Variants in NPC1 observed in about 807,000 individuals in gnomAD.
NPC1 encodes NPC intracellular cholesterol transporter 1.
A neutral mutation model predicts 140.4 loss-of-function variants in NPC1; 85 were observed. The ratio of observed to expected loss-of-function variants is 0.61; its 90% confidence interval spans 0.51 to 0.72. The LOEUF (loss-of-function observed/expected upper bound fraction) is 0.72. Ranked by LOEUF, NPC1 falls within the 30% of genes least tolerant of loss-of-function variation. The pLI is 0.00. For synonymous variants in NPC1, 656 were observed against 624.8 expected (o/e 1.05, Z -0.74); for missense variants, 1,504 against 1,623.8 (o/e 0.93, Z 1.27).
At chr18:23,585,911 T>C (rs1388320148) in intron 1 of NPC1, among the ~76,000 whole-genome samples, 2 of 152,178 alleles carry the variant, frequency 1.3e-5, no homozygotes, top group Non-Finnish European at 2.9e-5. Flanking sequence ...GGAAATAAAG[T>C]GGTTAGAGCT....
rs546408808 is a variant in NPC1 at position 23,580,633 on chromosome 18, A to G, written c.57+5654T>C. ...TCCTGGATGGGTAAAGCTAATGGCA[A>G]AACATGGAGAGATACCCAGCTCAAG... On this transcript the variant is annotated intron_variant, in intron 1 of 24. Transcript: ENST00000269228. Among the ~76,000 whole-genome samples the G allele has an allele frequency of 2.7e-4, 41 of 152,308 alleles. No individual in the cohort carries two copies. In the South Asian group the frequency reaches 8.3e-3, roughly 31 times the overall value.
chr18:23,581,144 C>G (rs1434172103), intron 1 of NPC1, among the ~76,000 whole-genome samples: 2 of 152,188 alleles, frequency 1.3e-5, no homozygotes, highest in Non-Finnish European at 2.9e-5. Flanking sequence ...AGCCACAAAA[C>G]TAAAACAAAA....
intron 3 of NPC1, among the ~76,000 whole-genome samples, chr18:23,514,891 G>A (rs2057959312): frequency 6.6e-6 from 1 of 152,200 alleles, no homozygotes; most frequent in African/African-American, 2.4e-5. Flanking sequence ...AGTGTACCAT[G>A]AGCATTAATG....
At chr18:23,528,924 G>T, downstream of NPC1, 1 of 365,980 alleles carries the variant, frequency 2.7e-6, no homozygotes. Flanking sequence ...TTATTGCCCA[G>T]GCTGGAGTGC....
chr18:23,529,487 TGG>T, downstream of NPC1: 1 of 1,246,828 alleles, frequency 8.0e-7, no homozygotes, highest in Non-Finnish European at 1.1e-6. Context: ...TGTTGACGGG[TGG>T]TTCTGGAGCG....
downstream of NPC1, chr18:23,528,007 C>A (rs1035812682): frequency 2.1e-6 from 2 of 965,602 alleles, no homozygotes; most frequent in East Asian, 2.8e-5. Flanking sequence ...AGAATAAGGT[C>A]GCTGAGATTT....
intron 3 of NPC1, chr18:23,515,847 C>G: frequency 6.2e-7 from 1 of 1,614,012 alleles, no homozygotes; most frequent in Non-Finnish European, 8.5e-7. Context: ...TTCTTAAACT[C>G]TGCTTCAGGT....
downstream of NPC1, chr18:23,524,335 T>C (rs8084285): frequency 2.1e-3 from 3,248 of 1,510,706 alleles, 60 homozygotes; most frequent in African/African-American, 0.04. Flanking sequence ...TAGCGTGGAC[T>C]CAGTACATGG....
chr18:23,532,088 A>G lies in NPC1; in HGVS notation c.*114T>C. On this transcript the variant is annotated 3_prime_UTR_variant, in exon 25 of 25. Coordinates refer to ENST00000269228, the MANE Select transcript of NPC1 (RefSeq NM_000271.5). ...GCTACGTTCAAAGCTGCTGCCAAAC[A>G]ACCGATGGTTGGCACCATCCGGTGT... The G allele has an allele frequency of 6.2e-7, 1 of 1,612,056 alleles. No homozygotes were observed. Among genetic ancestry groups the G allele is most frequent in the Non-Finnish European group, 8.5e-7 (1 of 1,179,124 alleles).
chr18:23,533,329 C>T (rs1598932236), intron 24 of NPC1, 26 bp downstream of exon 24: 2 of 1,608,360 alleles, frequency 1.2e-6, no homozygotes, highest in African/African-American at 1.3e-5. Context: ...TCTATTGTGC[C>T]ACCCTTTTAA....
intron 12 of NPC1, 133 bp from the exon 13 acceptor site, chr18:23,544,659 A>C: frequency 1.1e-6 from 1 of 880,880 alleles, no homozygotes; most frequent in South Asian, 1.4e-5. Context: ...TGTGTTTCAG[A>C]GAGGACTTGT....
intron 10 of NPC1, among the ~76,000 whole-genome samples, chr18:23,549,278 CCTTGA>C (rs1467819416): frequency 6.6e-6 from 1 of 151,414 alleles, no homozygotes; most frequent in Non-Finnish European, 1.5e-5. Context: ...TTTACTGAAG[CCTTGA>C]CTTCTCAGGC....
intron 22 of NPC1, among the ~76,000 whole-genome samples, chr18:23,534,915 T>C (rs547524650): frequency 6.6e-6 from 1 of 152,282 alleles, no homozygotes; most frequent in South Asian, 2.1e-4. Context: ...TATCTGAGAG[T>C]ACGGATACAC....
intron 4 of NPC1, among the ~76,000 whole-genome samples, chr18:23,561,954 CT>C (rs2059046927): frequency 6.6e-6 from 1 of 152,178 alleles, no homozygotes; most frequent in African/African-American, 2.4e-5. Flanking sequence ...ATGGAACTTA[CT>C]TGGAAAACTG....
chr18:23,533,494 TGTAA>T lies in NPC1; in HGVS notation c.3611_3614del (p.Leu1204GlnfsTer37), dbSNP rs786200879. 1.1e-5 allele frequency: 17 copies of T among 1,614,236 alleles called. No homozygotes were observed. The highest frequency in any genetic ancestry group is 1.1e-5 in the South Asian group (1 of 91,086). ...CCAACACCACAATCCCTCCAAATTT[TGTAA>T]GTGTGATTCCACTGAACACCTAAAA... On this transcript the variant is annotated frameshift_variant, in exon 24 of 25. Transcript: ENST00000269228. LOFTEE classifies it high-confidence loss of function.
At position 23,544,945 on chromosome 18, in the gene NPC1, C is replaced by CCCCCG. The variant is rs1555634632; in HGVS notation, c.1947+14_1947+15insCGGGG. On this transcript the variant is annotated intron_variant, in intron 12 of 24. Transcript: ENST00000269228. Reference sequence around the variant, plus strand: ...TGTTAACCTCTAGAACATACACCACCCCCCCCCGGCTTACCAGAAGCCTGC... The same window carrying CCCCCG: ...TGTTAACCTCTAGAACATACACCACCCCCCGCCCCCCCGGCTTACCAGAAGCCTGC... The CCCCCG allele has an allele frequency of 3.8e-5, 49 of 1,291,216 alleles. 2 individuals are homozygous for CCCCCG. Among genetic ancestry groups the CCCCCG allele is most frequent in the South Asian group, 1.5e-4 (12 of 81,250 alleles). 80.0% of individuals were successfully genotyped at this position (1,291,216 alleles called of 1,614,324 possible). A position where few individuals can be genotyped will look rare whatever the true frequency, so the allele number is the denominator to read the frequency against.
chr18:23,511,866 C>T (rs938156199), intron 3 of NPC1, among the ~76,000 whole-genome samples: 1 of 151,898 alleles, frequency 6.6e-6, no homozygotes, highest in African/African-American at 2.4e-5. Context: ...AGTATAGGTA[C>T]GAACATCTGA....
At chr18:23,520,810 G>C (rs192203182), downstream of NPC1, among the ~76,000 whole-genome samples, 4 of 152,230 alleles carry the variant, frequency 2.6e-5, no homozygotes, top group Admixed American at 2.0e-4. Context: ...GAGGAGATAA[G>C]GTTCAAGTGA....
At chr18:23,575,169 T>C (rs535295173) in intron 1 of NPC1, among the ~76,000 whole-genome samples, 1 of 152,332 alleles carries the variant, frequency 6.6e-6, no homozygotes, top group South Asian at 2.1e-4. Context: ...GTCAACACAC[T>C]GCAGCTCTGG....
Sources: allele counts gnomAD v4.1 joint callset (sites outside exome capture counted in the v4.1 genomes callset), GRCh38; gene constraint gnomAD v4.1.1; transcripts MANE v1.5; gene names NCBI Gene and HGNC (gene_info 2026-07-23, HGNC 2026-07-21).